Variants in TMEM131 observed in about 807,000 individuals in gnomAD.
The protein encoded by TMEM131 is transmembrane protein 131, also known as 2610524E03Rik.
TMEM131 carries 66 observed loss-of-function variants against 211.6 expected under a neutral mutation model. The ratio of observed to expected loss-of-function variants is 0.31; its 90% CI spans 0.26 to 0.38. The LOEUF (loss-of-function observed/expected upper bound fraction) is 0.38. Among genes scored for constraint, TMEM131 ranks in the 10% least tolerant of loss-of-function variants. TMEM131 has a pLI of 1.00. For synonymous variants in TMEM131, 844 were observed against 841.3 expected (o/e 1.00, Z -0.06); for missense variants, 2,036 against 2,299.3 (o/e 0.89, Z 2.34).
At chr2:97,838,980 T>C (rs1444353172) in intron 7 of TMEM131, among the ~76,000 whole-genome samples, 1 of 152,120 alleles carries the variant, frequency 6.6e-6, no homozygotes, top group African/African-American at 2.4e-5. Context: ...TCACACATTA[T>C]TTCATCAATC....
intron 3 of TMEM131, among the ~76,000 whole-genome samples, chr2:97,899,371 A>G (rs1027373248): frequency 1.3e-5 from 2 of 152,170 alleles, no homozygotes; most frequent in Non-Finnish European, 2.9e-5. Context: ...TCCAATATAT[A>G]AAGAACTCTT....
At chr2:97,982,175 C>A (rs1359526535) in intron 1 of TMEM131, among the ~76,000 whole-genome samples, 1 of 152,170 alleles carries the variant, frequency 6.6e-6, no homozygotes, top group African/African-American at 2.4e-5. Context: ...TGTCTCCGCA[C>A]CCTTGCCAAC....
intron 1 of TMEM131, among the ~76,000 whole-genome samples, chr2:97,972,872 C>T (rs1372083348): frequency 6.6e-6 from 1 of 152,090 alleles, no homozygotes; most frequent in African/African-American, 2.4e-5. Context: ...TAGGTGGCCT[C>T]TAGAAGCTGG....
At chr2:97,794,327 T>C (rs1680658064) in intron 29 of TMEM131, among the ~76,000 whole-genome samples, 2 of 152,156 alleles carry the variant, frequency 1.3e-5, no homozygotes, top group Admixed American at 6.5e-5. Context: ...TGAGCCACCG[T>C]GCCCGGCCTG....
At chr2:97,936,822 C>A (rs1044517843) in intron 1 of TMEM131, among the ~76,000 whole-genome samples, 1 of 151,966 alleles carries the variant, frequency 6.6e-6, no homozygotes, top group Non-Finnish European at 1.5e-5. Flanking sequence ...TAGAAACTGC[C>A]CTTGAGAAAG....
Position 97,923,508 on chromosome 2 carries a change from G to A in TMEM131, c.249+3918C>T, listed in dbSNP as rs1157290845. Among the ~76,000 whole-genome samples, 8 of 151,396 alleles carry A rather than the reference G, an allele frequency of 5.3e-5. No individual in the cohort carries two copies. In the South Asian group the frequency reaches 8.4e-4, roughly 16 times the overall value. On this transcript the variant is annotated intron_variant, in intron 2 of 40. Coordinates refer to ENST00000186436, the MANE Select transcript of TMEM131 (RefSeq NM_015348.2). ...GTGGTGGCATGTGCCTGTAGTCCCC[G>A]CTACTTGAGAGGCTGAGGGAGGAGG...
chr2:97,896,727 A>C (rs1005350429), intron 3 of TMEM131, among the ~76,000 whole-genome samples: 2 of 152,120 alleles, frequency 1.3e-5, no homozygotes, highest in Admixed American at 1.3e-4. Flanking sequence ...TTACCTTGAC[A>C]CATCTGGACA....
intron 2 of TMEM131, among the ~76,000 whole-genome samples, chr2:97,925,118 C>T (rs903491039): frequency 1.3e-5 from 2 of 152,166 alleles, no homozygotes; most frequent in Middle Eastern, 3.2e-3. Context: ...GCGACTGACC[C>T]GTCTCAGCCT....
chr2:97,857,022 A>G (rs1480460170), intron 5 of TMEM131, among the ~76,000 whole-genome samples: 1 of 152,230 alleles, frequency 6.6e-6, no homozygotes, highest in African/African-American at 2.4e-5. Context: ...ATCTTTTAAA[A>G]AATTTCCAGA....
intron 2 of TMEM131, among the ~76,000 whole-genome samples, chr2:97,922,764 G>C (rs1470015184): frequency 6.6e-6 from 1 of 152,190 alleles, no homozygotes; most frequent in Non-Finnish European, 1.5e-5. Context: ...AACTAGGAGA[G>C]AGCTTGAGGG....
intron 7 of TMEM131, among the ~76,000 whole-genome samples, chr2:97,839,806 T>C (rs1042805605): frequency 2.6e-5 from 4 of 152,172 alleles, no homozygotes; most frequent in African/African-American, 7.2e-5. Context: ...AGCTCAACAG[T>C]CACACGTAGC....
At chr2:97,834,323 T>C (rs957056470) in intron 10 of TMEM131, among the ~76,000 whole-genome samples, 3 of 152,200 alleles carry the variant, frequency 2.0e-5, no homozygotes, top group African/African-American at 7.2e-5. Context: ...ACTGAACTGA[T>C]GAGCAACTGG....
At chr2:97,951,097 T>C (rs1678288666) in intron 1 of TMEM131, among the ~76,000 whole-genome samples, 1 of 152,070 alleles carries the variant, frequency 6.6e-6, no homozygotes, top group African/African-American at 2.4e-5. Flanking sequence ...AGTTCACTGA[T>C]GGTGCAGACT....
rs774816239 is a variant in TMEM131, at chr2:97,814,097, T to C, written c.1491A>G (p.Ser497=). 9 of 1,607,498 alleles carry C rather than the reference T, an allele frequency of 5.6e-6. No individual in the cohort carries two copies. Among genetic ancestry groups the C allele is most frequent in the Admixed American group, 3.4e-5 (2 of 58,804 alleles). The change falls in exon 15 of 41, where the codon TCA becomes TCG. Residue 497 remains serine, a synonymous_variant. Coordinates refer to ENST00000186436, the MANE Select transcript of TMEM131 (RefSeq NM_015348.2). The part of the protein sequence containing the change: ...SKPVLILPNE[S]GYIFTLLFMP... ...TAAAAAGCAGGGTAAAAATGTATCC[T>C]GATTCATTAGGAAGAATTAAGACTG...
At chr2:97,906,470 T>C (rs1292782714) in intron 3 of TMEM131, among the ~76,000 whole-genome samples, 1 of 152,210 alleles carries the variant, frequency 6.6e-6, no homozygotes, top group Non-Finnish European at 1.5e-5. Context: ...ATCTTGAATC[T>C]AGGCCAATCT....
intron 2 of TMEM131, among the ~76,000 whole-genome samples, chr2:97,909,852 G>T (rs1676223054): frequency 6.6e-6 from 1 of 152,118 alleles, no homozygotes; most frequent in African/African-American, 2.4e-5. Flanking sequence ...AATAACCGTT[G>T]AGTCTGGGTG....
intron 11 of TMEM131, among the ~76,000 whole-genome samples, chr2:97,824,970 C>T (rs558511151): frequency 6.6e-6 from 1 of 152,198 alleles, no homozygotes; most frequent in Non-Finnish European, 1.5e-5. Flanking sequence ...AACCCCTATA[C>T]CCTGCTCTCT....
intron 31 of TMEM131, among the ~76,000 whole-genome samples, chr2:97,788,566 C>G (rs1001701795): frequency 1.3e-5 from 2 of 152,220 alleles, no homozygotes; most frequent in Non-Finnish European, 2.9e-5. Context: ...ATCTACCAAA[C>G]TGGGTCTCGG....
intron 31 of TMEM131, among the ~76,000 whole-genome samples, chr2:97,780,452 CA>C (rs1435368226): frequency 6.6e-6 from 1 of 151,988 alleles, no homozygotes; most frequent in Non-Finnish European, 1.5e-5. Flanking sequence ...TCTCCCACCC[CA>C]CTCCGTTTTC....
Sources: gnomAD v4.1 joint callset for allele counts (sites outside exome capture counted in the v4.1 genomes callset) on GRCh38, gnomAD v4.1.1 for gene constraint, MANE v1.5 for transcripts, NCBI Gene and HGNC (gene_info 2026-07-23, HGNC 2026-07-21) for gene names.